CLDN16: variants seen among roughly 807,000 people sequenced by gnomAD.
CLDN16 encodes claudin-16.
A neutral mutation model predicts 24.6 loss-of-function variants in CLDN16; 13 were observed. The observed-to-expected ratio is 0.53, with a 90% CI of 0.34 to 0.84. The LOEUF (loss-of-function observed/expected upper bound fraction) is 0.84. Among genes scored for constraint, CLDN16 ranks in the 40% least tolerant of loss-of-function variants. The probability of loss-of-function intolerance (pLI) is 0.01; values close to 1 mark genes in which losing one functional copy is unlikely to be tolerated. For missense variants in CLDN16, 298 were observed against 292.7 expected (o/e 1.02, Z -0.13); for synonymous variants, 116 against 106.7 (o/e 1.09, Z -0.54).
upstream of CLDN16, among the ~76,000 whole-genome samples, chr3:190,317,670 G>A (rs928344996): frequency 6.6e-5 from 10 of 152,268 alleles, no homozygotes; most frequent in Admixed American, 5.9e-4. Context: ...GTATATAAGG[G>A]TGATTGGTTC....
At chr3:190,407,880 A>G (rs928474256) in intron 3 of CLDN16, among the ~76,000 whole-genome samples, 7 of 152,144 alleles carry the variant, frequency 4.6e-5, no homozygotes, top group Non-Finnish European at 1.0e-4. Flanking sequence ...ATACAATGAT[A>G]TTTACTCACA....
intron 4 of CLDN16, among the ~76,000 whole-genome samples, chr3:190,408,942 T>A (rs546965674): frequency 1.3e-5 from 2 of 149,802 alleles, no homozygotes; most frequent in South Asian, 2.1e-4. Flanking sequence ...TATACACATA[T>A]GTATATGCAT....
chr3:190,399,059 TTAAACC>T (rs1452072049), intron 1 of CLDN16, among the ~76,000 whole-genome samples: 1 of 152,174 alleles, frequency 6.6e-6, no homozygotes, highest in African/African-American at 2.4e-5. Flanking sequence ...TGTTTCCAAC[TTAAACC>T]TAAGGAGGAG....
chr3:190,391,110 A>C (rs893506366), intron 1 of CLDN16, among the ~76,000 whole-genome samples: 25 of 152,232 alleles, frequency 1.6e-4, no homozygotes, highest in Admixed American at 1.5e-3. Context: ...GTTGGACAAA[A>C]GTCAACGAAA....
At chr3:190,367,397 AT>A (rs1718046127) in intron 1 of CLDN16, among the ~76,000 whole-genome samples, 1 of 151,942 alleles carries the variant, frequency 6.6e-6, no homozygotes, top group African/African-American at 2.4e-5. Context: ...AGCACACAAT[AT>A]GAAAGCCATC....
At chr3:190,390,934 T>A (rs1421032021) in intron 1 of CLDN16, among the ~76,000 whole-genome samples, 2 of 152,106 alleles carry the variant, frequency 1.3e-5, no homozygotes, top group Admixed American at 6.5e-5. Context: ...TACAGGTGCA[T>A]GTCCCCACAA....
chr3:190,312,892 C>T, the CLDN16 span: 4 of 1,613,944 alleles, frequency 2.5e-6, no homozygotes, highest in Non-Finnish European at 3.4e-6. Flanking sequence ...AAATATCGCA[C>T]CCCCAATGAC....
chr3:190,316,477 G>A, the CLDN16 span, among the ~76,000 whole-genome samples: 2 of 152,164 alleles, frequency 1.3e-5, no homozygotes, highest in Non-Finnish European at 2.9e-5. Context: ...CACAAGCAAG[G>A]CGTAGGTAAT....
At chr3:190,333,532 A>G (rs1717227316) in intron 1 of CLDN16, among the ~76,000 whole-genome samples, 1 of 16,310 alleles carries the variant, frequency 6.1e-5, no homozygotes, top group South Asian at 2.8e-3. Flanking sequence ...TCAGTCTATC[A>G]TCTATCTATC....
the CLDN16 span, among the ~76,000 whole-genome samples, chr3:190,295,498 G>C: frequency 6.6e-6 from 1 of 152,108 alleles, no homozygotes; most frequent in Non-Finnish European, 1.5e-5. Context: ...CGATTAAACA[G>C]CATAGGAAAC....
intron 3 of CLDN16, among the ~76,000 whole-genome samples, chr3:190,407,664 A>C (rs1033337676): frequency 6.6e-6 from 1 of 152,166 alleles, no homozygotes; most frequent in African/African-American, 2.4e-5. Flanking sequence ...GTGGAGATGT[A>C]TTTAAAGGGA....
At chr3:190,324,923 G>A (rs1385706944) in intron 1 of CLDN16, among the ~76,000 whole-genome samples, 4 of 152,182 alleles carry the variant, frequency 2.6e-5, no homozygotes, top group Non-Finnish European at 4.4e-5. Context: ...AGACCAAGAA[G>A]GCTCTAGAAA....
At chr3:190,321,694 G>A (rs1350330524), upstream of CLDN16, among the ~76,000 whole-genome samples, 2 of 152,082 alleles carry the variant, frequency 1.3e-5, no homozygotes, top group Non-Finnish European at 2.9e-5. Context: ...TTCAAGTTTG[G>A]CCTTCACTCC....
Position 190,340,031 on chromosome 3 carries a change from A to G in CLDN16, n.121+17370A>G, listed in dbSNP as rs189716040. Among the ~76,000 whole-genome samples, 316 of 152,342 alleles carry G rather than the reference A, an allele frequency of 2.1e-3. 4 individuals carry two copies. The South Asian group carries it at 0.025, about 12-fold the overall frequency. On this transcript the variant is annotated intron_variant and non_coding_transcript_variant, in intron 1 of 4. Coordinates refer to the CLDN16 transcript ENST00000468220. ...TAATATAAACAAATCAGTTGGTGAT[A>G]TATCATATTAACAGACATAAAGTCA... is the stretch of plus-strand genomic sequence containing the variant.
At chr3:190,336,924 T>C (rs908899162) in intron 1 of CLDN16, among the ~76,000 whole-genome samples, 1 of 152,214 alleles carries the variant, frequency 6.6e-6, no homozygotes, top group East Asian at 1.9e-4. Context: ...CCAAAGGGCA[T>C]ATGTAAGCTG....
intron 1 of CLDN16, among the ~76,000 whole-genome samples, chr3:190,344,480 G>A (rs1256224649): frequency 6.6e-6 from 1 of 151,612 alleles, no homozygotes; most frequent in Admixed American, 6.6e-5. Flanking sequence ...AGTGAATAAT[G>A]TATATTATAT....
chr3:190,353,226 CAG>C (rs750058804), intron 1 of CLDN16, among the ~76,000 whole-genome samples: 9 of 151,890 alleles, frequency 5.9e-5, no homozygotes, highest in Non-Finnish European at 8.8e-5. Context: ...ATCCAAAATT[CAG>C]AGTGACCTGC....
intron 1 of CLDN16, among the ~76,000 whole-genome samples, chr3:190,389,807 GGT>G (rs1189575140): frequency 6.6e-6 from 1 of 152,064 alleles, no homozygotes; most frequent in Non-Finnish European, 1.5e-5. Context: ...GCCAGTGGTA[GGT>G]GATGAATACA....
At chr3:190,341,592 A>G (rs909346640) in intron 1 of CLDN16, among the ~76,000 whole-genome samples, 6 of 152,182 alleles carry the variant, frequency 3.9e-5, no homozygotes, top group Non-Finnish European at 8.8e-5. Flanking sequence ...AGGGGCTGCC[A>G]CAAAGGTCTC....
Sources: gnomAD v4.1 joint callset for allele counts (sites outside exome capture counted in the v4.1 genomes callset) on GRCh38, gnomAD v4.1.1 for gene constraint, MANE v1.5 for transcripts, NCBI Gene and HGNC (gene_info 2026-07-23, HGNC 2026-07-21) for gene names.